The following SLC35B1 variants were observed in gnomAD, a reference collection of about 807,000 sequenced individuals.
SLC35B1 encodes solute carrier family 35 member B1.
In SLC35B1, 27 loss-of-function variants were observed where a neutral mutation model predicts 36.6. The ratio of observed to expected loss-of-function variants is 0.74; its 90% CI spans 0.54 to 1.02. The LOEUF (loss-of-function observed/expected upper bound fraction) is 1.02. SLC35B1 is among the 50% of genes least tolerant of loss of function. The pLI is 0.00. For missense variants in SLC35B1, 321 were observed against 383.2 expected (o/e 0.84, Z 1.35); for synonymous variants, 162 against 152.5 (o/e 1.06, Z -0.46).
intron 1 of SLC35B1, chr17:49,707,500 G>A (rs2073434544): frequency 4.1e-6 from 6 of 1,474,276 alleles, no homozygotes; most frequent in Non-Finnish European, 5.4e-6. Context: ...GAACCAAGCG[G>A]GGAAAAACAG....
chr17:49,702,904 A>G lies in SLC35B1; in HGVS notation c.870T>C (p.Asn290=), dbSNP rs779783550. 59 of 1,614,026 alleles carry G rather than the reference A, an allele frequency of 3.7e-5. No individual in the cohort carries two copies. Among genetic ancestry groups the G allele is most frequent in the Non-Finnish European group, 4.7e-5 (56 of 1,180,020 alleles). Residue 290 remains asparagine, a synonymous_variant, in exon 8 of 9, where the codon AAT becomes AAC. Transcript: ENST00000240333. ...TILASVILFA[N]PISPMQWVGT... is the part of the protein sequence containing the mutation. ...CCACCCACTGCATGGGGCTGATGGG[A>G]TTGGCGAAGAGGATCACAGAGGCCA...
chr17:49,706,083 T>C, intron 3 of SLC35B1, 121 bp downstream of exon 3: 1 of 1,378,850 alleles, frequency 7.3e-7, no homozygotes, highest in Non-Finnish European at 9.8e-7. Flanking sequence ...ACACTCCCAA[T>C]GTCTTACAGG....
rs2073349136 is a variant in SLC35B1 at position 49,701,360 on chromosome 17, C to T, written c.*98G>A. ...TTTATTTTATTAAAAAAGACTGGAA[C>T]TCAGTCCCATATTCCTATTAAGTCC... On this transcript the variant is annotated 3_prime_UTR_variant, in exon 9 of 9. Transcript: ENST00000240333. The T allele has an allele frequency of 1.1e-6, 1 of 897,052 alleles. No individual in the cohort carries two copies. Among genetic ancestry groups the T allele is most frequent in the East Asian group, 2.4e-5 (1 of 41,090 alleles). 55.6% of individuals were successfully genotyped at this position (897,052 alleles called of 1,614,324 possible). A position where few individuals can be genotyped will look rare whatever the true frequency, so the allele number is the denominator to read the frequency against.
rs2073347740 is a variant in SLC35B1, at chr17:49,701,201, A to G, written c.*257T>C. 2.4e-6 allele frequency: 1 copy of G among 416,194 alleles called. No homozygotes were observed. The highest frequency in any genetic ancestry group is 3.6e-5 in the Admixed American group (1 of 27,880). The allele number at this position is 416,194 out of a possible 1,614,324, so 25.8% of individuals were successfully genotyped here. ...ACCCGTGAGAGGAGCAGCCTGGGTA[A>G]TGAACATCCAGCTCTGCCTCTTCCC... On this transcript the variant is annotated 3_prime_UTR_variant, in exon 9 of 9. Coordinates refer to ENST00000240333, the MANE Select transcript of SLC35B1 (RefSeq NM_005827.4).
upstream of SLC35B1, chr17:49,708,031 A>C: frequency 8.4e-7 from 1 of 1,196,058 alleles, no homozygotes; most frequent in East Asian, 2.6e-5. Flanking sequence ...GAAACTCCTC[A>C]GAACCCAGCA....
Position 49,701,406 on chromosome 17 carries a change from T to C in SLC35B1, c.*52A>G. 1.4e-6 allele frequency: 2 copies of C among 1,396,518 alleles called. No homozygotes were observed. Among genetic ancestry groups the C allele is most frequent in the Non-Finnish European group, 2.0e-6 (2 of 982,648 alleles). 86.5% of individuals were successfully genotyped at this position (1,396,518 alleles called of 1,614,324 possible). ...AGTCCATTTTCCCAAGAGATGTCAC[T>C]GTTTGAGATAATAACTTAAATATTC... On this transcript the variant is annotated 3_prime_UTR_variant, in exon 9 of 9. Coordinates refer to ENST00000240333, the MANE Select transcript of SLC35B1 (RefSeq NM_005827.4).
intron 6 of SLC35B1, 68 bp downstream of exon 6, chr17:49,704,032 G>A (rs779097557): frequency 4.4e-6 from 7 of 1,605,570 alleles, no homozygotes; most frequent in Non-Finnish European, 6.0e-6. Context: ...ACAGCTAGAG[G>A]GATCAAAAGG....
intron 5 of SLC35B1, among the ~76,000 whole-genome samples, chr17:49,704,651 C>T (rs904326619): frequency 6.6e-6 from 1 of 152,238 alleles, no homozygotes; most frequent in African/African-American, 2.4e-5. Flanking sequence ...AGCGAGTTAA[C>T]TTCTCTGTGC....
At chr17:49,705,699 C>G in intron 4 of SLC35B1, 167 bp downstream of exon 4, 1 of 725,812 alleles carries the variant, frequency 1.4e-6, no homozygotes, top group Non-Finnish European at 2.5e-6. Flanking sequence ...ATGAACATCA[C>G]AAGAAGTGAC....
At chr17:49,707,364 T>C in intron 1 of SLC35B1, 1 of 1,429,550 alleles carries the variant, frequency 7.0e-7, no homozygotes, top group Non-Finnish European at 9.3e-7. Context: ...GGAGACGGTA[T>C]TTCGGCTATG....
chr17:49,707,221 G>A (rs1033432599), intron 1 of SLC35B1, 153 bp from the exon 2 acceptor site: 14 of 1,358,982 alleles, frequency 1.0e-5, no homozygotes, highest in Non-Finnish European at 1.4e-5. Flanking sequence ...ATTTGCAAAA[G>A]GGGCTGATTT....
rs748773961 is a variant in SLC35B1, at chr17:49,701,530, G to A, written c.917-20C>T. 6.2e-7 allele frequency: 1 copy of A among 1,612,150 alleles called. No homozygotes were observed. The highest frequency in any genetic ancestry group is 1.1e-5 in the South Asian group (1 of 90,998). The stretch of plus-strand genomic sequence containing the variant: ...CAAGACCTATGAAAAGGAAGAAAAT[G>A]GGCTTAGCCTTATGGGGGGAAATGA... On this transcript the variant is annotated intron_variant, in intron 8 of 8. Transcript: ENST00000240333.
At chr17:49,706,135 T>C in intron 3 of SLC35B1, 69 bp downstream of exon 3, 2 of 1,317,036 alleles carry the variant, frequency 1.5e-6, no homozygotes, top group Non-Finnish European at 2.1e-6. Flanking sequence ...CTCACAGACC[T>C]GAGGGAAGAA....
chr17:49,704,009 G>C, intron 6 of SLC35B1, 91 bp downstream of exon 6: 1 of 1,556,760 alleles, frequency 6.4e-7, no homozygotes, highest in Non-Finnish European at 8.8e-7. Flanking sequence ...CAGGCCCTTG[G>C]TCTGGGCAAC....
intron 4 of SLC35B1, 42 bp downstream of exon 4, chr17:49,705,824 G>A (rs755568425): frequency 5.0e-6 from 8 of 1,599,296 alleles, no homozygotes; most frequent in Non-Finnish European, 6.9e-6. Flanking sequence ...CTTACTATAG[G>A]AAGAGTGACG....
rs572079628 is a variant in SLC35B1, at chr17:49,700,956, T to G, written c.*502A>C. On this transcript the variant is annotated 3_prime_UTR_variant, in exon 9 of 9. Coordinates refer to ENST00000240333, the MANE Select transcript of SLC35B1 (RefSeq NM_005827.4). ...AAAGACAGAACACAACTTTGTTTTT[T>G]TAATGAAATATTTGCCCACAGGAGC... is the stretch of plus-strand genomic sequence containing the variant. The G allele has an allele frequency of 6.5e-6, 1 of 153,944 alleles. No individual in the cohort carries two copies. Among genetic ancestry groups the G allele is most frequent in the South Asian group, 2.0e-4 (1 of 4,980 alleles). The allele number at this position is 153,944 out of a possible 1,614,324, so 9.5% of individuals were successfully genotyped here.
chr17:49,705,837 A>G (rs904104207), intron 4 of SLC35B1, 29 bp downstream of exon 4: 2 of 1,611,468 alleles, frequency 1.2e-6, no homozygotes, highest in African/African-American at 1.3e-5. Context: ...GAGTGACGAC[A>G]GAAGAGGAAG....
upstream of SLC35B1, chr17:49,708,106 C>T (rs1395339380): frequency 2.8e-6 from 2 of 719,416 alleles, no homozygotes; most frequent in Admixed American, 2.1e-5. Context: ...CCAGGGGAAC[C>T]GGCAGCCTCG....
chr17:49,702,741 C>A, intron 8 of SLC35B1, 117 bp downstream of exon 8: 1 of 1,156,928 alleles, frequency 8.6e-7, no homozygotes, highest in Non-Finnish European at 1.2e-6. Context: ...AGCGAAACTC[C>A]GTCTCAAAAA....
Sources: gnomAD v4.1 joint callset for allele counts (sites outside exome capture counted in the v4.1 genomes callset) on GRCh38, gnomAD v4.1.1 for gene constraint, MANE v1.5 for transcripts, NCBI Gene and HGNC (gene_info 2026-07-23, HGNC 2026-07-21) for gene names.